Variants in SLC25A16 observed in about 807,000 individuals in gnomAD.
The protein encoded by SLC25A16 is mitochondrial coenzyme A transporter SLC25A16.
Under a neutral mutation model 41.5 loss-of-function variants are expected in SLC25A16, and 39 were observed. The ratio of observed to expected loss-of-function variants is 0.94; its 90% CI spans 0.73 to 1.23. The LOEUF is 1.23. Among genes scored for constraint, SLC25A16 ranks in the 50% most tolerant of loss-of-function variants. The pLI is 0.00. For synonymous variants in SLC25A16, 146 were observed against 147.8 expected (o/e 0.99, Z 0.09); for missense variants, 421 against 426.9 (o/e 0.99, Z 0.12).
At chr10:68,511,024 G>C (rs975019874) in intron 2 of SLC25A16, among the ~76,000 whole-genome samples, 3 of 152,160 alleles carry the variant, frequency 2.0e-5, no homozygotes, top group African/African-American at 4.8e-5. Flanking sequence ...AGAACACGAG[G>C]TCAGGAGGTC....
At chr10:68,524,705 C>A (rs1821064023) in intron 1 of SLC25A16, among the ~76,000 whole-genome samples, 1 of 122,384 alleles carries the variant, frequency 8.2e-6, no homozygotes, top group African/African-American at 3.2e-5. Context: ...GAGACTCCAT[C>A]TCAAAAAAAA....
chr10:68,521,769 A>AT (rs1260161819), intron 1 of SLC25A16, among the ~76,000 whole-genome samples: 42 of 148,772 alleles, frequency 2.8e-4, no homozygotes, highest in Middle Eastern at 3.5e-3. Flanking sequence ...AATTTTTTGT[A>AT]TTTTTTTTTA....
At position 68,527,310 on chromosome 10, in the gene SLC25A16, C is replaced by T. The variant is rs1399607269; in HGVS notation, c.66G>A (p.Ala22=). 1 of 1,543,790 alleles carries T rather than the reference C, an allele frequency of 6.5e-7. No homozygotes were observed. The highest frequency in any genetic ancestry group is 2.0e-5 in the Admixed American group (1 of 49,930). Residue 22 remains alanine (A), a synonymous_variant, in exon 1 of 9, where the codon GCG becomes GCA. Transcript: ENST00000609923. ...GGGTTGTGGGCCCTCCGGCCCCTGCCGCCTGCGGCATTGCGGGAGGGGGAT... is the reference window on the plus strand; with the variant it reads ...GGGTTGTGGGCCCTCCGGCCCCTGCTGCCTGCGGCATTGCGGGAGGGGGAT... ...AADPPPAMPQ[A]AGAGGPTTRR...
At chr10:68,507,804 C>G (rs1340873993) in intron 2 of SLC25A16, among the ~76,000 whole-genome samples, 1 of 152,136 alleles carries the variant, frequency 6.6e-6, no homozygotes, top group African/African-American at 2.4e-5. Context: ...GAAAGGAAAT[C>G]ACCAGGTTCA....
chr10:68,485,197 C>G (rs1475168922), intron 8 of SLC25A16, among the ~76,000 whole-genome samples: 1 of 152,024 alleles, frequency 6.6e-6, no homozygotes, highest in Non-Finnish European at 1.5e-5. Flanking sequence ...TCAAGTGATT[C>G]TTGTGCCTCA....
At chr10:68,522,777 T>C (rs920602368) in intron 1 of SLC25A16, among the ~76,000 whole-genome samples, 12 of 138,344 alleles carry the variant, frequency 8.7e-5, no homozygotes, top group South Asian at 2.3e-4. Context: ...ATTGCACCAC[T>C]GCACTCTAGC....
chr10:68,509,960 C>G (rs559084010), intron 2 of SLC25A16, among the ~76,000 whole-genome samples: 73 of 151,782 alleles, frequency 4.8e-4, no homozygotes, highest in Non-Finnish European at 7.4e-4. Context: ...GCCCGTAATC[C>G]CAGCTACTTG....
chr10:68,493,549 G>T lies in SLC25A16; in HGVS notation c.443C>A (p.Thr148Asn). 1 of 1,612,928 alleles carries T rather than the reference G, an allele frequency of 6.2e-7. No individual in the cohort carries two copies. The highest frequency in any genetic ancestry group is 8.5e-7 in the Non-Finnish European group (1 of 1,179,074). Reference protein sequence around the residue: ...SMAGMTAVICTYPLDMVRVRL... With the variant: ...SMAGMTAVICNYPLDMVRVRL... ...GACCCTAACCATGTCAAGAGGGTAA[G>T]TACAGATAACTGCTGTCATACCTGA... is the stretch of plus-strand genomic sequence containing the variant. Residue 148 changes from threonine to asparagine, a missense_variant, in exon 5 of 9, where the codon ACT becomes AAT. Coordinates refer to ENST00000609923, the MANE Select transcript of SLC25A16 (RefSeq NM_152707.4).
intron 3 of SLC25A16, among the ~76,000 whole-genome samples, chr10:68,505,806 G>A (rs1299333206): frequency 1.3e-5 from 2 of 152,052 alleles, no homozygotes; most frequent in East Asian, 1.9e-4. Flanking sequence ...AGACGGAGGC[G>A]GGTGGATCAC....
intron 2 of SLC25A16, among the ~76,000 whole-genome samples, chr10:68,514,764 T>C (rs1261214403): frequency 6.6e-6 from 1 of 151,200 alleles, no homozygotes; most frequent in African/African-American, 2.5e-5. Context: ...TCAGACGAAG[T>C]CTCGCTCTTG....
chr10:68,487,246 T>A (rs2052580308), intron 7 of SLC25A16, 34 bp from the exon 8 acceptor site: 1 of 1,590,840 alleles, frequency 6.3e-7, no homozygotes, highest in African/African-American at 1.3e-5. Context: ...GAATTAAAAA[T>A]TTTTGGTTTT....
Position 68,488,510 on chromosome 10 carries a change from A to C in SLC25A16, c.730T>G (p.Leu244Val), listed in dbSNP as rs2052602543. Residue 244 changes from leucine to valine, a missense_variant, in exon 7 of 9, where the codon TTA becomes GTA. Coordinates refer to ENST00000609923, the MANE Select transcript of SLC25A16 (RefSeq NM_152707.4). ...NVLVLKTHVNLLCGGVAGAIA... is the reference protein window; with the variant it reads ...NVLVLKTHVNVLCGGVAGAIA... Reference sequence around the variant, plus strand: ...GCTCCAGCAACACCACCACAAAGTAAGTTTACATGAGTTTTCAAAACTAAG... The same window carrying C: ...GCTCCAGCAACACCACCACAAAGTACGTTTACATGAGTTTTCAAAACTAAG... 6.4e-7 allele frequency: 1 copy of C among 1,571,844 alleles called. No individual in the cohort carries two copies. Among genetic ancestry groups the C allele is most frequent in the Non-Finnish European group, 8.6e-7 (1 of 1,167,984 alleles).
intron 1 of SLC25A16, among the ~76,000 whole-genome samples, chr10:68,518,946 G>A (rs914929444): frequency 9.9e-5 from 15 of 150,904 alleles, no homozygotes; most frequent in Non-Finnish European, 1.9e-4. Context: ...TAATCCCAGC[G>A]CTTTGGGAGG....
At chr10:68,509,413 T>G (rs1017658617) in intron 2 of SLC25A16, among the ~76,000 whole-genome samples, 1 of 151,966 alleles carries the variant, frequency 6.6e-6, no homozygotes, top group South Asian at 2.1e-4. Flanking sequence ...AAAATAATTT[T>G]AATTTAAAAT....
Position 68,516,732 on chromosome 10 carries a change from T to C in SLC25A16, c.223+19A>G. 1 of 1,479,820 alleles carries C rather than the reference T, an allele frequency of 6.8e-7. No homozygotes were observed. Among genetic ancestry groups the C allele is most frequent in the Non-Finnish European group, 9.3e-7 (1 of 1,069,574 alleles). The allele number at this position is 1,479,820 out of a possible 1,614,324, so 91.7% of individuals were successfully genotyped here. ...ACAATATTTTCATTCATTTTTATCT[T>C]TAGCATCTATTAACTCACCTAAATG... On this transcript the variant is annotated intron_variant, in intron 2 of 8. Transcript: ENST00000609923.
rs1364821283 is a variant in SLC25A16, at chr10:68,503,393, T to C, written c.421+239A>G. ...AATGACTCTTTTTCAGTTGGCGTAC[T>C]GATAATTTCATATATATAACTGAAT... On this transcript the variant is annotated intron_variant, in intron 4 of 8. Transcript: ENST00000609923. 1.4e-5 allele frequency: 5 copies of C among 358,040 alleles called. No homozygotes were observed. In the South Asian group the frequency reaches 3.6e-4, roughly 26 times the overall value. 22.2% of individuals were successfully genotyped at this position (358,040 alleles called of 1,614,324 possible). A position where few individuals can be genotyped will look rare whatever the true frequency, so the allele number is the denominator to read the frequency against.
intron 1 of SLC25A16, 127 bp from the exon 2 acceptor site, chr10:68,516,970 C>A: frequency 9.8e-7 from 1 of 1,019,146 alleles, no homozygotes; most frequent in Non-Finnish European, 1.4e-6. Context: ...CTGCCCACAG[C>A]GTATAGATAT....
chr10:68,524,722 A>T (rs888536370), intron 1 of SLC25A16, among the ~76,000 whole-genome samples: 7 of 151,060 alleles, frequency 4.6e-5, no homozygotes, highest in African/African-American at 1.7e-4. Context: ...AAAAAAAAAA[A>T]AAAAAATTAA....
chr10:68,517,517 T>C (rs2053179655), intron 1 of SLC25A16: 1 of 151,908 alleles, frequency 6.6e-6, no homozygotes, highest in Non-Finnish European at 1.5e-5. Flanking sequence ...CTTGAAAAAA[T>C]GGGTTGCTCC....
Sources: gnomAD v4.1 joint callset for allele counts (sites outside exome capture counted in the v4.1 genomes callset) on GRCh38, gnomAD v4.1.1 for gene constraint, MANE v1.5 for transcripts, NCBI Gene and HGNC (gene_info 2026-07-23, HGNC 2026-07-21) for gene names.